Variants in DAB1 observed in about 807,000 individuals in gnomAD.
DAB1 encodes DAB adaptor protein 1, also known as disabled homolog 1.
Under a neutral mutation model 64.6 loss-of-function variants are expected in DAB1, and 15 were observed. That is an observed-to-expected ratio of 0.23 (90% confidence interval 0.16 to 0.36). DAB1 has a LOEUF of 0.36. DAB1 is among the 10% of genes least tolerant of loss of function. The pLI is 1.00. For synonymous variants in DAB1, 235 were observed against 251.9 expected (o/e 0.93, Z 0.64); for missense variants, 596 against 706.7 (o/e 0.84, Z 1.78).
intron 4 of DAB1, among the ~76,000 whole-genome samples, chr1:58,254,577 T>C (rs1660883652): frequency 1.1e-5 from 1 of 88,176 alleles, no homozygotes; most frequent in Non-Finnish European, 2.1e-5. Flanking sequence ...CAGAGTGTGA[T>C]ATTCCCCTTC....
chr1:57,469,718 T>C (rs1423072927), intron 7 of DAB1, among the ~76,000 whole-genome samples: 3 of 152,192 alleles, frequency 2.0e-5, no homozygotes, highest in Non-Finnish European at 4.4e-5. Flanking sequence ...GTACATCAAC[T>C]GATACAAAGA....
At chr1:58,029,050 C>T (rs1646935002) in intron 5 of DAB1, among the ~76,000 whole-genome samples, 2 of 152,098 alleles carry the variant, frequency 1.3e-5, no homozygotes, top group African/African-American at 4.8e-5. Context: ...GAGCATCATA[C>T]AAACATAAAG....
At chr1:58,160,931 A>G (rs1197614762) in intron 4 of DAB1, among the ~76,000 whole-genome samples, 3 of 152,242 alleles carry the variant, frequency 2.0e-5, no homozygotes, top group Non-Finnish European at 4.4e-5. Context: ...GCAGTCTAGT[A>G]GGTGGGCTAG....
At chr1:58,364,697 GTGTC>G (rs1644199585) in intron 3 of DAB1, among the ~76,000 whole-genome samples, 1 of 152,218 alleles carries the variant, frequency 6.6e-6, no homozygotes, top group Non-Finnish European at 1.5e-5. Flanking sequence ...GAGAGAAGAT[GTGTC>G]TGTATTTATA....
At chr1:57,450,826 T>C (rs77720313) in intron 7 of DAB1, among the ~76,000 whole-genome samples, 248 of 152,338 alleles carry the variant, frequency 1.6e-3, no homozygotes, top group East Asian at 6.0e-3. Context: ...AACTGACCAT[T>C]CCTGTATGTC....
intron 7 of DAB1, among the ~76,000 whole-genome samples, chr1:57,480,786 T>A (rs901368925): frequency 6.6e-6 from 1 of 152,056 alleles, no homozygotes; most frequent in Non-Finnish European, 1.5e-5. Context: ...TGCCCAGCCT[T>A]CATAATAAGT....
At chr1:58,446,540 T>G (rs1479644582) in intron 3 of DAB1, among the ~76,000 whole-genome samples, 2 of 151,906 alleles carry the variant, frequency 1.3e-5, no homozygotes, top group Non-Finnish European at 2.9e-5. Flanking sequence ...GGGCTGGGGG[T>G]GGGGTGGTGG....
chr1:58,262,559 T>C (rs1196294041), intron 4 of DAB1, among the ~76,000 whole-genome samples: 3 of 152,064 alleles, frequency 2.0e-5, no homozygotes, highest in Non-Finnish European at 4.4e-5. Context: ...CACTCCAGCC[T>C]GGTGACAGGG....
intron 5 of DAB1, among the ~76,000 whole-genome samples, chr1:57,976,265 G>A (rs1313509659): frequency 6.6e-6 from 1 of 152,158 alleles, no homozygotes; most frequent in Non-Finnish European, 1.5e-5. Flanking sequence ...AGAAAGCAGT[G>A]CACCACTCAG....
chr1:57,986,226 T>G (rs1646214580), intron 5 of DAB1, among the ~76,000 whole-genome samples: 1 of 152,116 alleles, frequency 6.6e-6, no homozygotes, highest in Admixed American at 6.5e-5. Flanking sequence ...CCTGCAAAAT[T>G]CATATATTGA....
At chr1:57,628,309 G>C (rs1488549693) in intron 7 of DAB1, among the ~76,000 whole-genome samples, 1 of 152,206 alleles carries the variant, frequency 6.6e-6, no homozygotes, top group East Asian at 1.9e-4. Context: ...ATTAATTTTA[G>C]AGGTCGGGCT....
At chr1:58,484,582 G>C (rs1026365115) in intron 3 of DAB1, among the ~76,000 whole-genome samples, 2 of 152,168 alleles carry the variant, frequency 1.3e-5, no homozygotes, top group African/African-American at 4.8e-5. Context: ...GAGTCTCAGA[G>C]AAGTTAAATG....
chr1:58,158,399 T>C (rs1444112140), intron 4 of DAB1, among the ~76,000 whole-genome samples: 2 of 152,168 alleles, frequency 1.3e-5, no homozygotes, highest in African/African-American at 2.4e-5. Flanking sequence ...GGTGAGTTTT[T>C]GGGAAAACCC....
chr1:58,391,918 A>G (rs1000679946), intron 3 of DAB1, among the ~76,000 whole-genome samples: 2 of 152,242 alleles, frequency 1.3e-5, no homozygotes, highest in African/African-American at 2.4e-5. Context: ...CTGGGTAAGT[A>G]AGCACCCCAA....
Position 57,945,423 on chromosome 1 carries a change from T to TA in DAB1, n.388-61262dup, listed in dbSNP as rs1372781619. On this transcript the variant is annotated intron_variant and non_coding_transcript_variant, in intron 5 of 20. Transcript: ENST00000485760. ...TACAGGCATATACCACCACACTTGC[T>TA]AATTGTTATTATTATTATTATTATT... is the stretch of plus-strand genomic sequence containing the variant. 3.0e-5 allele frequency among the ~76,000 whole-genome samples: 4 copies of TA among 133,850 alleles called. No homozygotes were observed. In the Admixed American group the frequency reaches 3.1e-4, roughly 11 times the overall value. 87.8% of individuals were successfully genotyped at this position (133,850 alleles called of 152,430 possible). A position where few individuals can be genotyped will look rare whatever the true frequency, so the allele number is the denominator to read the frequency against.
In DAB1 at chr1:57,010,994, C is replaced by G. The variant is rs779447846; in HGVS notation, c.1572+151G>C. ...CCTTTTCAGCTGACTCATTTGAACA[C>G]AAAAGAAAGCCCCTTTAGCAACCCC... is the stretch of plus-strand genomic sequence containing the variant. On this transcript the variant is annotated intron_variant, in intron 13 of 14. Coordinates refer to ENST00000371236, the MANE Select transcript of DAB1 (RefSeq NM_001365792.1). The G allele has an allele frequency of 1.3e-5, 14 of 1,085,576 alleles. No homozygotes were observed. In the East Asian group the frequency reaches 3.5e-4, roughly 27 times the overall value. The allele number at this position is 1,085,576 out of a possible 1,614,324, so 67.2% of individuals were successfully genotyped here.
chr1:57,178,182 G>T, intron 2 of DAB1, among the ~76,000 whole-genome samples: 1 of 151,852 alleles, frequency 6.6e-6, no homozygotes, highest in Non-Finnish European at 1.5e-5. Context: ...GGGAATATTG[G>T]TAATATATAA....
At chr1:58,048,521 G>A in intron 5 of DAB1, 1 of 1,310,112 alleles carries the variant, frequency 7.6e-7, no homozygotes, top group Non-Finnish European at 1.1e-6. Context: ...AGAGTAACCA[G>A]GGCCACTTCC....
At chr1:57,803,315 C>T (rs1569733166) in intron 6 of DAB1, among the ~76,000 whole-genome samples, 1 of 152,172 alleles carries the variant, frequency 6.6e-6, no homozygotes, top group East Asian at 1.9e-4. Context: ...CAGGAAGCTA[C>T]CCTGCAGGGG....
Sources: gnomAD v4.1 joint callset for allele counts (sites outside exome capture counted in the v4.1 genomes callset) on GRCh38, gnomAD v4.1.1 for gene constraint, MANE v1.5 for transcripts, NCBI Gene and HGNC (gene_info 2026-07-23, HGNC 2026-07-21) for gene names.